Variants in VWA3B observed in about 807,000 individuals in gnomAD.
The protein encoded by VWA3B is von Willebrand factor A domain containing 3B, also known as von Willebrand factor A domain-containing protein 3B.
VWA3B carries 138 observed loss-of-function variants against 158.3 expected under a neutral mutation model. That is an observed-to-expected ratio of 0.87 (90% CI 0.76 to 1.00). VWA3B has a LOEUF of 1.00. Among genes scored for constraint, VWA3B ranks in the 50% least tolerant of loss-of-function variants. The pLI is 0.00. For synonymous variants in VWA3B, 596 were observed against 587.3 expected (o/e 1.01, Z -0.21); for missense variants, 1,555 against 1,565.1 (o/e 0.99, Z 0.11).
intron 20 of VWA3B, among the ~76,000 whole-genome samples, chr2:98,254,776 T>A (rs1687008681): frequency 6.6e-6 from 1 of 152,152 alleles, no homozygotes; most frequent in African/African-American, 2.4e-5. Context: ...CCGACTGAGC[T>A]TTGGGCCCTG....
intron 7 of VWA3B, among the ~76,000 whole-genome samples, chr2:98,148,859 T>C (rs1677381756): frequency 6.6e-6 from 1 of 152,192 alleles, no homozygotes; most frequent in African/African-American, 2.4e-5. Context: ...TCATGACCAT[T>C]TGACCATGAT....
At chr2:98,182,196 T>A (rs1406840817) in intron 9 of VWA3B, among the ~76,000 whole-genome samples, 1 of 152,108 alleles carries the variant, frequency 6.6e-6, no homozygotes, top group African/African-American at 2.4e-5. Flanking sequence ...CCCCCTCAAA[T>A]GCAGTGTCAC....
intron 22 of VWA3B, among the ~76,000 whole-genome samples, chr2:98,280,557 G>A (rs1458548724): frequency 6.6e-6 from 1 of 152,210 alleles, no homozygotes; most frequent in African/African-American, 2.4e-5. Context: ...TTAGCCATTC[G>A]CACGGCACAA....
In VWA3B at chr2:98,093,143, G is replaced by T. The variant is rs1389650687; in HGVS notation, c.51G>T (p.Arg17Ser). 1.2e-6 allele frequency: 2 copies of T among 1,614,036 alleles called. No individual in the cohort carries two copies. Among genetic ancestry groups the T allele is most frequent in the Non-Finnish European group, 1.7e-6 (2 of 1,179,982 alleles). The change falls in exon 2 of 28, where the codon AGG becomes AGT. Residue 17 changes from arginine (R) to serine (S), a missense_variant. Transcript: ENST00000477737. ...CCATCTCTGAGCAGCAGCTGCAGAG[G>T]CAAGAGGGATGGATTAACACCAAAA... ...SSTISEQQLQ[R>S]QEGWINTKTD...
intron 13 of VWA3B, among the ~76,000 whole-genome samples, chr2:98,217,619 G>C (rs1329166577): frequency 6.6e-6 from 1 of 152,160 alleles, no homozygotes. Flanking sequence ...ACCCAACTGA[G>C]AGACCTCAGA....
At chr2:98,277,880 G>A (rs1407532700) in intron 22 of VWA3B, among the ~76,000 whole-genome samples, 1 of 152,150 alleles carries the variant, frequency 6.6e-6, no homozygotes, top group East Asian at 1.9e-4. Flanking sequence ...TATCAGTTAT[G>A]TAAAATAAAC....
At chr2:98,257,474 A>G (rs1389717200) in intron 21 of VWA3B, among the ~76,000 whole-genome samples, 1 of 152,002 alleles carries the variant, frequency 6.6e-6, no homozygotes, top group African/African-American at 2.4e-5. Flanking sequence ...TTGGATAAAT[A>G]TCCAGTAGTG....
intron 1 of VWA3B, among the ~76,000 whole-genome samples, chr2:98,089,985 C>T (rs1682161758): frequency 6.6e-6 from 1 of 152,052 alleles, no homozygotes. Context: ...CTTTAAGGTT[C>T]CCAAATCCAC....
chr2:98,096,848 C>CT (rs1162420317), intron 2 of VWA3B, among the ~76,000 whole-genome samples: 1 of 151,748 alleles, frequency 6.6e-6, no homozygotes, highest in African/African-American at 2.4e-5. Flanking sequence ...TTTTGTTTAT[C>CT]TTTTCAAGAG....
At chr2:98,217,059 G>T in intron 13 of VWA3B, 1 of 1,119,742 alleles carries the variant, frequency 8.9e-7, no homozygotes, top group Non-Finnish European at 1.2e-6. Flanking sequence ...GATGGTGCTG[G>T]GGAGCTGGGC....
chr2:98,265,082 G>A (rs369464995), intron 21 of VWA3B, among the ~76,000 whole-genome samples: 22 of 150,806 alleles, frequency 1.5e-4, no homozygotes, highest in African/African-American at 2.2e-4. Flanking sequence ...TAGGGTACAC[G>A]TGCACATTGT....
In VWA3B at chr2:98,178,121, C is replaced by G. The variant is rs1680164936; in HGVS notation, c.1115-2895C>G. Among the ~76,000 whole-genome samples the G allele has an allele frequency of 3.3e-5, 5 of 152,264 alleles. 1 individual carries two copies. The South Asian group carries it at 1.0e-3, about 32-fold the overall frequency. On this transcript the variant is annotated intron_variant, in intron 8 of 27. Coordinates refer to ENST00000477737, the MANE Select transcript of VWA3B (RefSeq NM_144992.5). ...TCCCTGACAGAAATGGCGGCATCCT[C>G]TTTTTGCTGCTTCTTTGTGATGGGA...
At chr2:98,329,420 A>G in the VWA3B span, among the ~76,000 whole-genome samples, 1 of 152,176 alleles carries the variant, frequency 6.6e-6, no homozygotes, top group African/African-American at 2.4e-5. Context: ...GAGAGAAAAT[A>G]TTTGCAATAC....
At chr2:98,092,860 A>ATATATAT (rs1553633936) in intron 1 of VWA3B, among the ~76,000 whole-genome samples, 1 of 118,518 alleles carries the variant, frequency 8.4e-6, no homozygotes, top group Non-Finnish European at 1.8e-5. Context: ...ATATATATAT[A>ATATATAT]GTTGAATATT....
At chr2:98,138,420 C>T (rs868833231) in intron 7 of VWA3B, among the ~76,000 whole-genome samples, 3 of 152,284 alleles carry the variant, frequency 2.0e-5, no homozygotes, top group Admixed American at 6.5e-5. Flanking sequence ...CTAGAGAGAT[C>T]CATTAAAAAT....
intron 7 of VWA3B, among the ~76,000 whole-genome samples, chr2:98,136,498 G>T (rs1676294171): frequency 6.6e-6 from 1 of 152,030 alleles, no homozygotes; most frequent in South Asian, 2.1e-4. Flanking sequence ...TAGCCGATTT[G>T]GTGTCTGGTG....
At chr2:98,299,027 C>T (rs2105979545) in intron 24 of VWA3B, among the ~76,000 whole-genome samples, 1 of 152,330 alleles carries the variant, frequency 6.6e-6, no homozygotes, top group East Asian at 1.9e-4. Flanking sequence ...TGGCCTTTGA[C>T]CCTTTGCTAC....
chr2:98,244,773 TAAG>T (rs1336771239), intron 19 of VWA3B, among the ~76,000 whole-genome samples: 1 of 152,162 alleles, frequency 6.6e-6, no homozygotes, highest in African/African-American at 2.4e-5. Flanking sequence ...AGGAATTGAA[TAAG>T]AAATTATGTA....
intron 25 of VWA3B, among the ~76,000 whole-genome samples, chr2:98,301,676 A>C (rs1690202938): frequency 6.6e-6 from 1 of 152,060 alleles, no homozygotes; most frequent in African/African-American, 2.4e-5. Flanking sequence ...TGCTCATTGG[A>C]CGGATGTTTG....
Sources: gnomAD v4.1 joint callset for allele counts (sites outside exome capture counted in the v4.1 genomes callset) on GRCh38, gnomAD v4.1.1 for gene constraint, MANE v1.5 for transcripts, NCBI Gene and HGNC (gene_info 2026-07-23, HGNC 2026-07-21) for gene names.